The following SEPTIN7 variants were observed in gnomAD, a reference collection of about 807,000 sequenced individuals.
SEPTIN7 encodes septin 7.
A neutral mutation model predicts 63.3 loss-of-function variants in SEPTIN7; 10 were observed. The observed-to-expected ratio is 0.16, with a 90% CI of 0.10 to 0.27. SEPTIN7 has a LOEUF of 0.27. Among genes scored for constraint, SEPTIN7 ranks in the 10% least tolerant of loss-of-function variants. SEPTIN7 has a pLI of 1.00. For missense variants in SEPTIN7, 310 were observed against 521.0 expected, an observed-to-expected ratio of 0.59 and a Z score of 3.94; for synonymous variants, 131 against 165.3, an observed-to-expected ratio of 0.79 and a Z score of 1.59.
chr7:35,908,306 C>A (rs1788671927), downstream of SEPTIN7, among the ~76,000 whole-genome samples: 1 of 152,144 alleles, frequency 6.6e-6, no homozygotes, highest in African/African-American at 2.4e-5. Flanking sequence ...CTGACAATTT[C>A]CTGTGTTCTT....
At position 35,906,493 on chromosome 7, in the gene SEPTIN7, T is replaced by C. The variant is rs1298240836; in HGVS notation, c.*2200T>C. ...GTAGAAAGCAAAATGGCAGTGTCTGTTCTCCACTGTTGGAGGCATTATGTA... is the reference window on the plus strand; with the variant it reads ...GTAGAAAGCAAAATGGCAGTGTCTGCTCTCCACTGTTGGAGGCATTATGTA... On this transcript the variant is annotated 3_prime_UTR_variant, in exon 14 of 14. Transcript: ENST00000350320. The C allele has an allele frequency of 6.6e-6, 1 of 152,242 alleles. No individual in the cohort carries two copies. The highest frequency in any genetic ancestry group is 1.5e-5 in the Non-Finnish European group (1 of 68,052). 9.4% of individuals were successfully genotyped at this position (152,242 alleles called of 1,614,324 possible). A position where few individuals can be genotyped will look rare whatever the true frequency, so the allele number is the denominator to read the frequency against.
At chr7:35,878,867 A>G (rs553144667) in intron 6 of SEPTIN7, among the ~76,000 whole-genome samples, 1 of 152,302 alleles carries the variant, frequency 6.6e-6, no homozygotes, top group East Asian at 1.9e-4. Flanking sequence ...ACAAACCTGG[A>G]ACTTAACAGT....
At chr7:35,802,524 CT>C (rs762387279) in intron 1 of SEPTIN7, among the ~76,000 whole-genome samples, 3 of 152,178 alleles carry the variant, frequency 2.0e-5, no homozygotes, top group Non-Finnish European at 4.4e-5. Context: ...GTTAGTGCCC[CT>C]GAGAATGTAA....
chr7:35,881,166 A>G (rs989315407), intron 7 of SEPTIN7, among the ~76,000 whole-genome samples: 4 of 151,918 alleles, frequency 2.6e-5, no homozygotes, highest in Non-Finnish European at 5.9e-5. Context: ...TAATTTTCAG[A>G]AAGTTTTAGT....
At chr7:35,802,444 G>A (rs1788055321) in intron 1 of SEPTIN7, among the ~76,000 whole-genome samples, 1 of 152,158 alleles carries the variant, frequency 6.6e-6, no homozygotes, top group Non-Finnish European at 1.5e-5. Flanking sequence ...TGAGTTTATT[G>A]CTAAATAGTT....
chr7:35,829,084 A>G (rs1783673075), intron 1 of SEPTIN7, among the ~76,000 whole-genome samples: 1 of 143,748 alleles, frequency 7.0e-6, no homozygotes, highest in African/African-American at 2.6e-5. Flanking sequence ...CCTATCACTC[A>G]TCCCCTTGTC....
intron 1 of SEPTIN7, among the ~76,000 whole-genome samples, chr7:35,820,755 GT>G (rs542304813): frequency 0.015 from 2,244 of 151,702 alleles, 51 homozygotes; most frequent in African/African-American, 0.05. Flanking sequence ...GCAGTTTTGA[GT>G]TTTTTTTGCA....
At chr7:35,862,396 G>A (rs972049717) in intron 3 of SEPTIN7, among the ~76,000 whole-genome samples, 1 of 151,946 alleles carries the variant, frequency 6.6e-6, no homozygotes, top group African/African-American at 2.4e-5. Context: ...AAACATTATT[G>A]TATATACTAA....
Position 35,854,789 on chromosome 7 carries a change from A to C in SEPTIN7, c.170-8763A>C, listed in dbSNP as rs1382687481. On this transcript the variant is annotated intron_variant, in intron 3 of 13. Transcript: ENST00000350320. ...AACCCCTTTAAATATTAAAAGTTAA[A>C]ATTAAATATTATATAATTTATGGTT... 2.6e-5 allele frequency among the ~76,000 whole-genome samples: 4 copies of C among 152,030 alleles called. No individual in the cohort carries two copies. In the East Asian group the frequency reaches 7.7e-4, roughly 29 times the overall value.
At chr7:35,913,603 C>A in the SEPTIN7 span, among the ~76,000 whole-genome samples, 75,192 of 146,458 alleles carry the variant, frequency 0.51, 20,929 homozygotes, top group Admixed American at 0.62. Flanking sequence ...TTCCTTCCTT[C>A]TTTCCTTCCT....
chr7:35,914,725 TA>T, the SEPTIN7 span, among the ~76,000 whole-genome samples: 4 of 151,918 alleles, frequency 2.6e-5, no homozygotes, highest in African/African-American at 9.7e-5. Context: ...TATATATACA[TA>T]AACCTATGTA....
At chr7:35,867,715 A>G (rs1785900865) in intron 4 of SEPTIN7, among the ~76,000 whole-genome samples, 1 of 152,152 alleles carries the variant, frequency 6.6e-6, no homozygotes, top group African/African-American at 2.4e-5. Flanking sequence ...TTTTCTTGGG[A>G]AGAAATTATC....
intron 4 of SEPTIN7, among the ~76,000 whole-genome samples, chr7:35,868,026 C>T (rs1298876799): frequency 1.3e-5 from 2 of 151,866 alleles, no homozygotes; most frequent in East Asian, 3.9e-4. Flanking sequence ...GCGCGTACTA[C>T]ACCTGGCTAA....
intron 5 of SEPTIN7, among the ~76,000 whole-genome samples, chr7:35,873,132 C>CT (rs1227936748): frequency 6.6e-6 from 1 of 152,000 alleles, no homozygotes; most frequent in Non-Finnish European, 1.5e-5. Flanking sequence ...GATATTTAGA[C>CT]TTTCAGTTTT....
chr7:35,835,968 G>T (rs1193441241), intron 3 of SEPTIN7, among the ~76,000 whole-genome samples: 1 of 152,124 alleles, frequency 6.6e-6, no homozygotes, highest in Admixed American at 6.6e-5. Context: ...GTGCTTTATG[G>T]ATGATATAAG....
intron 1 of SEPTIN7, among the ~76,000 whole-genome samples, chr7:35,816,640 C>T (rs1483573121): frequency 6.6e-6 from 1 of 152,126 alleles, no homozygotes; most frequent in Non-Finnish European, 1.5e-5. Flanking sequence ...TAGTTTAACT[C>T]TATGAAGAAC....
At chr7:35,912,992 T>A in the SEPTIN7 span, among the ~76,000 whole-genome samples, 22 of 152,190 alleles carry the variant, frequency 1.4e-4, no homozygotes, top group Non-Finnish European at 3.1e-4. Flanking sequence ...GATATGAAAG[T>A]CCACCATCAG....
At chr7:35,805,297 A>C (rs540742828) in intron 1 of SEPTIN7, among the ~76,000 whole-genome samples, 1 of 152,266 alleles carries the variant, frequency 6.6e-6, no homozygotes, top group South Asian at 2.1e-4. Context: ...TTATGGGACT[A>C]CTGTCATAAA....
intron 1 of SEPTIN7, among the ~76,000 whole-genome samples, chr7:35,801,596 G>T (rs1331655837): frequency 6.6e-6 from 1 of 152,142 alleles, no homozygotes; most frequent in East Asian, 1.9e-4. Flanking sequence ...CCCTGCCCTT[G>T]CTTCTCTCCG....
Sources: allele counts gnomAD v4.1 joint callset (sites outside exome capture counted in the v4.1 genomes callset), GRCh38; gene constraint gnomAD v4.1.1; transcripts MANE v1.5; gene names NCBI Gene and HGNC (gene_info 2026-07-23, HGNC 2026-07-21).